The following SEMA6A variants were observed in gnomAD, a reference collection of about 807,000 sequenced individuals.
SEMA6A encodes semaphorin-6A.
In SEMA6A, 25 loss-of-function variants were observed where a neutral mutation model predicts 96.8. That is an observed-to-expected ratio of 0.26 (90% confidence interval 0.19 to 0.36). SEMA6A has a LOEUF of 0.36. Among genes scored for constraint, SEMA6A ranks in the 10% least tolerant of loss-of-function variants. The pLI is 1.00. For synonymous variants in SEMA6A, 612 were observed against 518.0 expected (o/e 1.18, Z -2.46); for missense variants, 1,363 against 1,323.1 (o/e 1.03, Z -0.47).
chr5:116,455,070 T>C (rs1325456141), intron 18 of SEMA6A, among the ~76,000 whole-genome samples: 1 of 152,174 alleles, frequency 6.6e-6, no homozygotes, highest in Non-Finnish European at 1.5e-5. Context: ...TGATGCATTT[T>C]TGGTTGGGAT....
intron 1 of SEMA6A, among the ~76,000 whole-genome samples, chr5:116,565,439 C>G (rs934925578): frequency 6.6e-6 from 1 of 152,162 alleles, no homozygotes; most frequent in African/African-American, 2.4e-5. Context: ...AAGATCCCAG[C>G]GACAGTGTCT....
intron 17 of SEMA6A, chr5:116,468,008 A>G (rs772583144): frequency 2.4e-5 from 11 of 454,612 alleles, no homozygotes; most frequent in Non-Finnish European, 4.4e-5. Flanking sequence ...GGCCTCAGGG[A>G]ATCACTTAAC....
At position 116,480,213 on chromosome 5, in the gene SEMA6A, C is replaced by T. The variant is rs1404753389; in HGVS notation, c.1159G>A (p.Asp387Asn). The change falls in exon 12 of 19, where the codon GAT becomes AAT. Residue 387 changes from aspartate (D) to asparagine (N), a missense_variant. Coordinates refer to ENST00000343348, the MANE Select transcript of SEMA6A (RefSeq NM_020796.5). ...TGCGTCTTGATGAAGTTCAGGGTATCATCAGGGAACTCATTGGAGGTTGCA... is the reference window on the plus strand; with the variant it reads ...TGCGTCTTGATGAAGTTCAGGGTATTATCAGGGAACTCATTGGAGGTTGCA... ...RYATSNEFPD[D>N]TLNFIKTHPL... 1 of 1,613,844 alleles carries T rather than the reference C, an allele frequency of 6.2e-7. No homozygotes were observed. Among genetic ancestry groups the T allele is most frequent in the Non-Finnish European group, 8.5e-7 (1 of 1,179,804 alleles).
chr5:116,498,298 A>G (rs1757702571), intron 3 of SEMA6A, among the ~76,000 whole-genome samples: 1 of 152,208 alleles, frequency 6.6e-6, no homozygotes, highest in Non-Finnish European at 1.5e-5. Flanking sequence ...AATTACCCAC[A>G]GCTTTAAACC....
chr5:116,509,594 G>A (rs1758310674), intron 1 of SEMA6A, among the ~76,000 whole-genome samples: 1 of 119,192 alleles, frequency 8.4e-6, no homozygotes, highest in African/African-American at 4.0e-5. Context: ...GAAGAAGGGT[G>A]TCTCTGTGTG....
chr5:116,552,394 C>T (rs1160864246), intron 1 of SEMA6A, among the ~76,000 whole-genome samples: 1 of 152,100 alleles, frequency 6.6e-6, no homozygotes, highest in Non-Finnish European at 1.5e-5. Context: ...AGGGTAAAGG[C>T]AGGTGCCACA....
chr5:116,536,747 T>G (rs1199873086), intron 1 of SEMA6A, among the ~76,000 whole-genome samples: 1 of 149,256 alleles, frequency 6.7e-6, no homozygotes, highest in African/African-American at 2.4e-5. Context: ...ATGTGCCGTG[T>G]TCTCTTCAGG....
At chr5:116,483,925 A>G (rs753162852) in intron 10 of SEMA6A, among the ~76,000 whole-genome samples, 9 of 151,974 alleles carry the variant, frequency 5.9e-5, no homozygotes, top group Non-Finnish European at 1.2e-4. Context: ...TTAGCCAGGC[A>G]TGATGGTGGG....
chr5:116,450,408 T>C (rs1375049584), intron 18 of SEMA6A, among the ~76,000 whole-genome samples: 2 of 152,224 alleles, frequency 1.3e-5, no homozygotes, highest in East Asian at 1.9e-4. Context: ...AACTGCCCTC[T>C]CAGTTTAAAA....
At chr5:116,549,113 A>G (rs1760301501) in intron 1 of SEMA6A, among the ~76,000 whole-genome samples, 1 of 152,206 alleles carries the variant, frequency 6.6e-6, no homozygotes, top group Admixed American at 6.5e-5. Context: ...TAAAACCTAG[A>G]TGGAAAAAAC....
chr5:116,554,575 G>A (rs939575284), intron 1 of SEMA6A, among the ~76,000 whole-genome samples: 2 of 152,160 alleles, frequency 1.3e-5, no homozygotes, highest in African/African-American at 4.8e-5. Flanking sequence ...AAAAACTACT[G>A]CATAGAAACC....
chr5:116,492,158 G>T (rs535858995), intron 6 of SEMA6A, among the ~76,000 whole-genome samples: 1 of 152,152 alleles, frequency 6.6e-6, no homozygotes, highest in South Asian at 2.1e-4. Flanking sequence ...GTGGTCTGTG[G>T]GTCTGGCATG....
At chr5:116,464,490 T>C (rs576347929) in intron 18 of SEMA6A, among the ~76,000 whole-genome samples, 32 of 152,292 alleles carry the variant, frequency 2.1e-4, no homozygotes, top group Admixed American at 3.3e-4. Flanking sequence ...TGATAATGCT[T>C]CCGCGTGCTG....
intron 7 of SEMA6A, among the ~76,000 whole-genome samples, chr5:116,490,046 T>C (rs1757258305): frequency 6.6e-6 from 1 of 152,226 alleles, no homozygotes; most frequent in South Asian, 2.1e-4. Context: ...AATGGTTTAT[T>C]GTTTTGTTTG....
Position 116,478,157 on chromosome 5 carries a change from A to G in SEMA6A, c.1428-3T>C, listed in dbSNP as rs747848284. 4 of 1,613,732 alleles carry G rather than the reference A, an allele frequency of 2.5e-6. No individual in the cohort carries two copies. Among genetic ancestry groups the G allele is most frequent in the South Asian group, 1.1e-5 (1 of 91,072 alleles). ...CTTCGACTCCATCATAGCTGCATCT[A>G]ATTTCATCAGGCAAGATAATATCAT... On this transcript the variant is annotated splice_polypyrimidine_tract_variant and splice_region_variant and intron_variant, in intron 13 of 18. Coordinates refer to ENST00000343348, the MANE Select transcript of SEMA6A (RefSeq NM_020796.5).
chr5:116,448,237 T>A (rs1754393590), intron 18 of SEMA6A, among the ~76,000 whole-genome samples: 1 of 149,462 alleles, frequency 6.7e-6, no homozygotes, highest in Non-Finnish European at 1.5e-5. Context: ...TCCTAGGTAC[T>A]CCGGAGGCTG....
At chr5:116,448,137 G>A (rs552181168) in intron 18 of SEMA6A, among the ~76,000 whole-genome samples, 18 of 141,012 alleles carry the variant, frequency 1.3e-4, no homozygotes, top group Admixed American at 2.2e-4. Context: ...TTGAAGACCA[G>A]CCTGGCCAAG....
At chr5:116,471,741 A>G (rs1232688019) in intron 17 of SEMA6A, 3 of 152,228 alleles carry the variant, frequency 2.0e-5, no homozygotes, top group East Asian at 1.9e-4. Flanking sequence ...CACAGCTCCA[A>G]TGTATAAGCC....
At chr5:116,483,427 A>G (rs576208968) in intron 10 of SEMA6A, among the ~76,000 whole-genome samples, 3 of 152,302 alleles carry the variant, frequency 2.0e-5, no homozygotes, top group African/African-American at 7.2e-5. Flanking sequence ...GCTTTGAGAT[A>G]GTGGGTCATT....
Sources: allele counts gnomAD v4.1 joint callset (sites outside exome capture counted in the v4.1 genomes callset), GRCh38; gene constraint gnomAD v4.1.1; transcripts MANE v1.5; gene names NCBI Gene and HGNC (gene_info 2026-07-23, HGNC 2026-07-21).